TNRC6A: variants seen among roughly 807,000 people sequenced by gnomAD.
TNRC6A encodes the protein trinucleotide repeat containing adaptor 6A, also known as trinucleotide repeat-containing gene 6A protein.
In TNRC6A, 44 loss-of-function variants were observed where a neutral mutation model predicts 221.2. The ratio of observed to expected loss-of-function variants is 0.20; its 90% CI spans 0.16 to 0.26. The LOEUF (loss-of-function observed/expected upper bound fraction) is 0.26. Ranked by LOEUF, TNRC6A falls within the 10% of genes least tolerant of loss-of-function variation. The pLI is 1.00. For missense variants in TNRC6A, 2,199 were observed against 2,404.4 expected (o/e 0.91, Z 1.79); for synonymous variants, 847 against 838.5 (o/e 1.01, Z -0.18).
intron 8 of TNRC6A, 36 bp from the exon 9 acceptor site, chr16:24,795,871 G>T: frequency 6.4e-7 from 1 of 1,565,482 alleles, no homozygotes; most frequent in Non-Finnish European, 8.7e-7. Flanking sequence ...CTTCCCACTG[G>T]ACCATGCTGT....
At chr16:24,664,325 AAAT>A (rs1262668378) in intron 2 of TNRC6A, among the ~76,000 whole-genome samples, 4 of 151,002 alleles carry the variant, frequency 2.6e-5, no homozygotes, top group Non-Finnish European at 4.4e-5. Flanking sequence ...AGTGTGACCC[AAAT>A]AATAATAAAA....
chr16:24,809,547 G>C (rs2152024066), intron 18 of TNRC6A, 66 bp downstream of exon 18: 1 of 1,381,512 alleles, frequency 7.2e-7, no homozygotes, highest in East Asian at 2.5e-5. Flanking sequence ...ACTAGATTTA[G>C]GCCTTTATTT....
chr16:24,639,672 C>T lies in TNRC6A; in HGVS notation n.277-1212C>T, dbSNP rs999647037. The stretch of plus-strand genomic sequence containing the variant: ...TTGTTTTCTTTCTGAGACAGGGTCT[C>T]GCTCTATCGCCCAGGCTTGAGTACA... On this transcript the variant is annotated intron_variant and non_coding_transcript_variant, in intron 1 of 2. Transcript: ENST00000566108. Among the ~76,000 whole-genome samples, 7 of 152,168 alleles carry T rather than the reference C, an allele frequency of 4.6e-5. No homozygotes were observed. In the East Asian group the frequency reaches 5.8e-4, roughly 13 times the overall value.
intron 1 of TNRC6A, among the ~76,000 whole-genome samples, chr16:24,618,500 G>C (rs1335435215): frequency 1.3e-5 from 2 of 152,112 alleles, no homozygotes; most frequent in Non-Finnish European, 2.9e-5. Flanking sequence ...GACTTGCCTA[G>C]TGAATGATCT....
At chr16:24,644,496 G>A (rs771050481) in intron 2 of TNRC6A, among the ~76,000 whole-genome samples, 3 of 151,968 alleles carry the variant, frequency 2.0e-5, no homozygotes, top group African/African-American at 4.8e-5. Context: ...GTTTCACTAC[G>A]TTGCCCAGGC....
chr16:24,717,318 G>C (rs543646657), intron 2 of TNRC6A, among the ~76,000 whole-genome samples: 1 of 152,150 alleles, frequency 6.6e-6, no homozygotes, highest in Non-Finnish European at 1.5e-5. Flanking sequence ...TTACATATAA[G>C]AATGCTTAAT....
chr16:24,742,312 G>A (rs2056908493), intron 2 of TNRC6A, among the ~76,000 whole-genome samples: 1 of 152,176 alleles, frequency 6.6e-6, no homozygotes, highest in Non-Finnish European at 1.5e-5. Flanking sequence ...GTGGAATTGA[G>A]GTTTAAGACC....
chr16:24,819,095 A>G (rs1451834839), intron 21 of TNRC6A, among the ~76,000 whole-genome samples: 1 of 152,050 alleles, frequency 6.6e-6, no homozygotes, highest in Non-Finnish European at 1.5e-5. Context: ...GGCACACTTG[A>G]GAGTTACAGG....
chr16:24,646,679 T>C (rs1360161322), intron 2 of TNRC6A, among the ~76,000 whole-genome samples: 1 of 152,174 alleles, frequency 6.6e-6, no homozygotes, highest in Admixed American at 6.6e-5. Flanking sequence ...GTAAAAGATG[T>C]TTTTAAAATC....
At chr16:24,711,624 T>C (rs570903525) in intron 2 of TNRC6A, among the ~76,000 whole-genome samples, 1 of 152,068 alleles carries the variant, frequency 6.6e-6, no homozygotes, top group Non-Finnish European at 1.5e-5. Context: ...TCTCTCAGTA[T>C]TATTATTTTG....
chr16:24,780,676 C>T (rs1039150326), intron 5 of TNRC6A, among the ~76,000 whole-genome samples: 4 of 151,952 alleles, frequency 2.6e-5, no homozygotes, highest in Non-Finnish European at 4.4e-5. Context: ...TTTTTTCTGC[C>T]ATATTAGTAA....
Position 24,824,772 on chromosome 16 carries a change from A to AAT in TNRC6A, c.*966_*967insTA, listed in dbSNP as rs2058838752. 5 of 151,510 alleles carry AAT rather than the reference A, an allele frequency of 3.3e-5. No homozygotes were observed. The allele number at this position is 151,510 out of a possible 1,614,324, so 9.4% of individuals were successfully genotyped here. ...CAGGAAAACCAGTTCCCCAGTTTAA[A>AAT]AAAAAAAAAAAAAATTCCTTGTAGT... On this transcript the variant is annotated 3_prime_UTR_variant, in exon 25 of 25. Coordinates refer to ENST00000395799, the MANE Select transcript of TNRC6A (RefSeq NM_014494.4).
In TNRC6A at chr16:24,816,453, CTG is replaced by C. The variant is rs1303872929; in HGVS notation, c.4832-360_4832-359del. 3.5e-5 allele frequency: 6 copies of C among 172,490 alleles called. No homozygotes were observed. The East Asian group carries it at 5.2e-4, about 15-fold the overall frequency. 10.7% of individuals were successfully genotyped at this position (172,490 alleles called of 1,614,324 possible). A position where few individuals can be genotyped will look rare whatever the true frequency, so the allele number is the denominator to read the frequency against. The stretch of plus-strand genomic sequence containing the variant: ...TCCAGGAGTTCAAAGCTGCAGTGAG[CTG>C]TGATTGCACCACTACACTCCAACCT... On this transcript the variant is annotated intron_variant, in intron 19 of 24. Coordinates refer to ENST00000395799, the MANE Select transcript of TNRC6A (RefSeq NM_014494.4).
At chr16:24,668,545 A>G (rs576615658) in intron 2 of TNRC6A, among the ~76,000 whole-genome samples, 41 of 152,282 alleles carry the variant, frequency 2.7e-4, no homozygotes, top group South Asian at 6.2e-4. Context: ...GCAGTCTGAA[A>G]CTGGCATCAC....
rs1205932486 is a variant in TNRC6A, at chr16:24,782,977, T to C, written c.589+5619T>C. Among the ~76,000 whole-genome samples the C allele has an allele frequency of 3.9e-5, 6 of 152,342 alleles. No homozygotes were observed. In the East Asian group the frequency reaches 5.8e-4, roughly 15 times the overall value. On this transcript the variant is annotated intron_variant, in intron 5 of 24. Coordinates refer to ENST00000395799, the MANE Select transcript of TNRC6A (RefSeq NM_014494.4). ...GAAACATTGTAAAACATAAATATTA[T>C]TTACTTTCGAAGCTCTTCCCTTTCT... is the stretch of plus-strand genomic sequence containing the variant.
chr16:24,812,936 C>T (rs1031068887), intron 18 of TNRC6A, among the ~76,000 whole-genome samples: 10 of 124,402 alleles, frequency 8.0e-5, no homozygotes, highest in Admixed American at 5.1e-4. Flanking sequence ...AGTGCAGTGG[C>T]ACAATCTCAG....
intron 2 of TNRC6A, among the ~76,000 whole-genome samples, chr16:24,666,668 A>AAAAAAAAAAAT (rs1555487103): frequency 3.1e-5 from 2 of 65,138 alleles, no homozygotes; most frequent in Non-Finnish European, 4.9e-5. Flanking sequence ...AAAAAAAAAA[A>AAAAAAAAAAAT]ATATATATAT....
intron 1 of TNRC6A, among the ~76,000 whole-genome samples, chr16:24,616,305 GAC>G (rs1900340561): frequency 7.7e-6 from 1 of 130,642 alleles, no homozygotes; most frequent in African/African-American, 2.9e-5. Context: ...CAGCCTGGGA[GAC>G]ACAGCGAGAT....
chr16:24,811,172 G>A (rs1000483298), intron 18 of TNRC6A, among the ~76,000 whole-genome samples: 1 of 152,162 alleles, frequency 6.6e-6, no homozygotes, highest in Non-Finnish European at 1.5e-5. Context: ...GACGGTCCTG[G>A]CACACTTTGG....
Sources: gnomAD v4.1 joint callset for allele counts (sites outside exome capture counted in the v4.1 genomes callset) on GRCh38, gnomAD v4.1.1 for gene constraint, MANE v1.5 for transcripts, NCBI Gene and HGNC (gene_info 2026-07-23, HGNC 2026-07-21) for gene names.